The following POLR3A variants were observed in gnomAD, a reference collection of about 807,000 sequenced individuals.
POLR3A encodes DNA-directed RNA polymerase III subunit RPC1.
In POLR3A, 112 loss-of-function variants were observed where a neutral mutation model predicts 152.8. That is an observed-to-expected ratio of 0.73 (90% confidence interval 0.63 to 0.86). The LOEUF is 0.86. Among genes scored for constraint, POLR3A ranks in the 40% least tolerant of loss-of-function variants. The probability of loss-of-function intolerance (pLI) is 0.00; values close to 1 mark genes in which losing one functional copy is unlikely to be tolerated. For missense variants in POLR3A, 1,385 were observed against 1,743.1 expected (o/e 0.79, Z 3.66); for synonymous variants, 615 against 652.1 (o/e 0.94, Z 0.87).
At chr10:78,016,026 G>C (rs1012932702) in intron 10 of POLR3A, among the ~76,000 whole-genome samples, 3 of 152,138 alleles carry the variant, frequency 2.0e-5, no homozygotes, top group Non-Finnish European at 4.4e-5. Flanking sequence ...ATTACCATAA[G>C]AGGCTGCTTA....
intron 30 of POLR3A, among the ~76,000 whole-genome samples, chr10:77,978,562 C>T (rs181126532): frequency 6.6e-6 from 1 of 152,218 alleles, no homozygotes; most frequent in African/African-American, 2.4e-5. Flanking sequence ...GTCAGGCAGA[C>T]TTGCTCTTCT....
At position 77,993,312 on chromosome 10, in the gene POLR3A, C is replaced by T. The variant is rs1192248453; in HGVS notation, c.2672G>A (p.Arg891Gln). ...CTGGATAATATCGCCAGTAGAGCTT[C>T]GGACTGTCAGATCATACTGGGAGCA... ...DLCSQYDLTV[R>Q]SSTGDIIQFI... The change falls in exon 20 of 31, where the codon CGA becomes CAA. Residue 891 changes from arginine to glutamine, a missense_variant. Arg to Gln is a conservative substitution (Grantham distance 43). Around this residue, in one of 7 missense-constraint regions of POLR3A, gnomAD observed 178 missense variants for 204.6 expected, o/e 0.87. Coordinates refer to ENST00000372371, the MANE Select transcript of POLR3A (RefSeq NM_007055.4). 2.5e-6 allele frequency: 4 copies of T among 1,612,850 alleles called. No homozygotes were observed. Among genetic ancestry groups the T allele is most frequent in the African/African-American group, 2.7e-5 (2 of 74,992 alleles).
At chr10:77,985,733 G>C (rs975759588) in intron 23 of POLR3A, among the ~76,000 whole-genome samples, 170 bp downstream of exon 23, 3 of 152,238 alleles carry the variant, frequency 2.0e-5, no homozygotes, top group Non-Finnish European at 4.4e-5. Context: ...TTATCTTGGA[G>C]CATTCAGACT....
intron 10 of POLR3A, among the ~76,000 whole-genome samples, chr10:78,015,804 G>T (rs929835024): frequency 3.3e-5 from 5 of 152,140 alleles, no homozygotes; most frequent in African/African-American, 1.2e-4. Context: ...CTATAGGTGT[G>T]TGCCATTGCC....
intron 26 of POLR3A, among the ~76,000 whole-genome samples, chr10:77,983,244 A>G (rs1052821866): frequency 2.8e-4 from 42 of 152,246 alleles, no homozygotes; most frequent in African/African-American, 8.7e-4. Flanking sequence ...CAAGGCAGGC[A>G]GCAAGAGACA....
At chr10:78,005,227 T>G (rs1363927693) in intron 15 of POLR3A, among the ~76,000 whole-genome samples, 1 of 152,208 alleles carries the variant, frequency 6.6e-6, no homozygotes, top group Non-Finnish European at 1.5e-5. Flanking sequence ...CTGGGTGCAG[T>G]GGCTCACGCC....
Position 78,020,623 on chromosome 10 carries a change from C to T in POLR3A, c.1185+923G>A, listed in dbSNP as rs552067755. On this transcript the variant is annotated intron_variant, in intron 8 of 30. Transcript: ENST00000372371. ...CCAACATGGTGAAACTCCGTCTCTACTAAAAATACAGAAAATTAGCTGCGC... is the reference window on the plus strand; with the variant it reads ...CCAACATGGTGAAACTCCGTCTCTATTAAAAATACAGAAAATTAGCTGCGC... 4.8e-4 allele frequency among the ~76,000 whole-genome samples: 72 copies of T among 151,510 alleles called. 1 individual carries two copies. The highest frequency in any genetic ancestry group is 6.9e-3 in the Middle Eastern group (2 of 290).
intron 23 of POLR3A, among the ~76,000 whole-genome samples, 198 bp from the exon 24 acceptor site, chr10:77,985,538 A>C (rs531264640): frequency 2.0e-4 from 31 of 152,350 alleles, no homozygotes; most frequent in Admixed American, 1.8e-3. Context: ...AAGGTCAGAG[A>C]GGGGGCAGCA....
chr10:77,990,770 C>T (rs866620032), intron 21 of POLR3A, among the ~76,000 whole-genome samples: 10 of 151,996 alleles, frequency 6.6e-5, no homozygotes, highest in Non-Finnish European at 1.0e-4. Context: ...CCCGCCACCA[C>T]GCCCGGCTAA....
In POLR3A at chr10:77,985,108, T is replaced by A; in HGVS notation, c.3242+62A>T. ...CACACATATGCATGTGACACGGGGA[T>A]CATTGTTTCTCAGGAAACAGGACAG... On this transcript the variant is annotated intron_variant, in intron 24 of 30. Transcript: ENST00000372371. The A allele has an allele frequency of 7.6e-6, 10 of 1,323,922 alleles. No individual in the cohort carries two copies. The Admixed American group carries it at 1.0e-4, about 13-fold the overall frequency. The allele number at this position is 1,323,922 out of a possible 1,614,324, so 82.0% of individuals were successfully genotyped here.
intron 28 of POLR3A, among the ~76,000 whole-genome samples, chr10:77,981,774 C>T (rs1414676517): frequency 6.6e-6 from 1 of 150,626 alleles, no homozygotes; most frequent in Non-Finnish European, 1.5e-5. Context: ...CCTGTAATCC[C>T]AGCACTTTGG....
Position 77,977,296 on chromosome 10 carries a change from C to T in POLR3A, c.*182G>A, listed in dbSNP as rs1847098246. 2.9e-6 allele frequency: 2 copies of T among 681,434 alleles called. No homozygotes were observed. The highest frequency in any genetic ancestry group is 2.5e-5 in the East Asian group (1 of 39,458). 42.2% of individuals were successfully genotyped at this position (681,434 alleles called of 1,614,324 possible). ...GAGCAGCGTGGCACAGTCAGGGTCA[C>T]TGGTGTGAGCTGCACCCTATCAGAG... On this transcript the variant is annotated 3_prime_UTR_variant, in exon 31 of 31. Transcript: ENST00000372371.
intron 1 of POLR3A, among the ~76,000 whole-genome samples, chr10:78,027,413 A>G (rs1175309507): frequency 1.3e-5 from 2 of 152,168 alleles, no homozygotes; most frequent in African/African-American, 4.8e-5. Context: ...TAATCCCAGC[A>G]CTTTGGGAGG....
At position 78,001,010 on chromosome 10, in the gene POLR3A, T is replaced by A. The variant is rs1211394532; in HGVS notation, c.2444A>T (p.Asn815Ile). 6.2e-7 allele frequency: 1 copy of A among 1,608,598 alleles called. No homozygotes were observed. Among genetic ancestry groups the A allele is most frequent in the African/African-American group, 1.3e-5 (1 of 74,812 alleles). Residue 815 changes from asparagine (N) to isoleucine (I), a missense_variant, in exon 18 of 31, where the codon AAC becomes ATC. By Grantham distance (149) the Asn-to-Ile change is moderately radical. Transcript: ENST00000372371. ...TTTTTCAAAATGAGGCAAGGACCTG[T>A]TTTCAAAGCCGTCTGGCACTCGAGA... ...SGSRVPDGFE[N>I]RSLPHFEKHS...
At chr10:78,019,546 C>G in intron 8 of POLR3A, 3 of 485,418 alleles carry the variant, frequency 6.2e-6, no homozygotes, top group Non-Finnish European at 1.1e-5. Flanking sequence ...GTAGGCTAGA[C>G]TGATCTATAG....
At position 78,017,717 on chromosome 10, in the gene POLR3A, C is replaced by T. The variant is rs1470141222; in HGVS notation, c.1290-1G>A. 1.9e-6 allele frequency: 3 copies of T among 1,614,072 alleles called. No individual in the cohort carries two copies. The highest frequency in any genetic ancestry group is 2.5e-6 in the Non-Finnish European group (3 of 1,180,016). ...TTCTCGATTTCCGTATTTCAAAAAC[C>T]TGAATGTGCAACAATAAACATGATC... is the stretch of plus-strand genomic sequence containing the variant. On this transcript the variant is annotated splice_acceptor_variant, in intron 9 of 30. Transcript: ENST00000372371. LOFTEE classifies it high-confidence loss of function.
rs1356575719 is a variant in POLR3A at position 77,976,740 on chromosome 10, G to A, written c.*738C>T. On this transcript the variant is annotated 3_prime_UTR_variant, in exon 31 of 31. Coordinates refer to ENST00000372371, the MANE Select transcript of POLR3A (RefSeq NM_007055.4). The stretch of plus-strand genomic sequence containing the variant: ...GGTTTGGCTCTTGTCACAGGGTAGA[G>A]CCCCATGATAGGGGTCTGAGGTAGA... 1 of 152,334 alleles carries A rather than the reference G, an allele frequency of 6.6e-6. No individual in the cohort carries two copies. The highest frequency in any genetic ancestry group is 1.5e-5 in the Non-Finnish European group (1 of 68,158). 9.4% of individuals were successfully genotyped at this position (152,334 alleles called of 1,614,324 possible).
intron 10 of POLR3A, among the ~76,000 whole-genome samples, 164 bp downstream of exon 10, chr10:78,017,411 C>T (rs1431936146): frequency 6.6e-6 from 1 of 151,222 alleles, no homozygotes; most frequent in Admixed American, 6.6e-5. Flanking sequence ...TGTGTCACTG[C>T]ACTCCAACCT....
intron 15 of POLR3A, among the ~76,000 whole-genome samples, chr10:78,005,847 C>A (rs1010165291): frequency 1.3e-5 from 2 of 152,116 alleles, no homozygotes; most frequent in Non-Finnish European, 2.9e-5. Context: ...TCTGTATATT[C>A]CTTTTATATA....
Sources: allele counts gnomAD v4.1 joint callset (sites outside exome capture counted in the v4.1 genomes callset), GRCh38; gene constraint gnomAD v4.1.1; regional missense constraint gnomAD v4.1.1; transcripts MANE v1.5; gene names NCBI Gene and HGNC (gene_info 2026-07-23, HGNC 2026-07-21).